The following ASPRV1 variants were observed in gnomAD, a reference collection of about 807,000 sequenced individuals.
ASPRV1 encodes the protein retroviral-like aspartic protease 1.
ASPRV1 carries 7 observed loss-of-function variants against 11.0 expected under a neutral mutation model. The ratio of observed to expected loss-of-function variants is 0.64; its 90% CI spans 0.36 to 1.20. The LOEUF is 1.20. Ranked by LOEUF, ASPRV1 falls within the 50% of genes most tolerant of loss-of-function variation. ASPRV1 has a pLI of 0.02. For missense variants in ASPRV1, 299 were observed against 320.0 expected (o/e 0.93, Z 0.50); for synonymous variants, 136 against 138.4 (o/e 0.98, Z 0.12).
chr2:70,037,988 G>A, the ASPRV1 span, among the ~76,000 whole-genome samples: 1 of 151,942 alleles, frequency 6.6e-6, no homozygotes, highest in Non-Finnish European at 1.5e-5. Flanking sequence ...CTAATCTATT[G>A]TGAGCTCTCC....
the ASPRV1 span, among the ~76,000 whole-genome samples, chr2:70,076,242 CCTA>C: frequency 6.6e-6 from 1 of 152,210 alleles, no homozygotes; most frequent in Non-Finnish European, 1.5e-5. Flanking sequence ...TTCCTCTCAA[CCTA>C]CTAAGGTGAT....
the ASPRV1 span, among the ~76,000 whole-genome samples, chr2:70,082,324 T>C: frequency 1.3e-5 from 2 of 152,026 alleles, no homozygotes; most frequent in African/African-American, 4.8e-5. Context: ...ATCCCAGGAC[T>C]TTGGGAGGCT....
chr2:69,987,444 A>G, the ASPRV1 span, among the ~76,000 whole-genome samples: 7 of 151,710 alleles, frequency 4.6e-5, no homozygotes, highest in African/African-American at 1.7e-4. Context: ...GGACTTTTAC[A>G]TTCACGTTAA....
At chr2:70,030,003 CT>C in the ASPRV1 span, 20 of 152,264 alleles carry the variant, frequency 1.3e-4, no homozygotes, top group African/African-American at 4.8e-4. Flanking sequence ...AAACTCCAGT[CT>C]TTTCTATTTT....
chr2:70,046,326 C>G, the ASPRV1 span: 13 of 152,146 alleles, frequency 8.5e-5, no homozygotes, highest in Non-Finnish European at 1.3e-4. Flanking sequence ...TAGCATCACG[C>G]CTTTCTTTAA....
At position 69,960,575 on chromosome 2, in the gene ASPRV1, G is replaced by T; in HGVS notation, c.*82C>A. On this transcript the variant is annotated 3_prime_UTR_variant, in exon 1 of 1. Transcript: ENST00000320256. ...GATAAGCAGACTGGCCAAGCCCAGT[G>T]ACCCCCATGAGGATATGCAACCCCC... The T allele has an allele frequency of 7.1e-7, 1 of 1,411,562 alleles. No homozygotes were observed. The highest frequency in any genetic ancestry group is 9.6e-7 in the Non-Finnish European group (1 of 1,041,752). The allele number at this position is 1,411,562 out of a possible 1,614,324, so 87.4% of individuals were successfully genotyped here. A position where few individuals can be genotyped will look rare whatever the true frequency, so the allele number is the denominator to read the frequency against.
the ASPRV1 span, among the ~76,000 whole-genome samples, chr2:70,004,528 CAAAAAAAAAAAAA>C: frequency 1.5e-4 from 8 of 54,640 alleles, no homozygotes; most frequent in African/African-American, 4.3e-4. Flanking sequence ...AACTCCATCT[CAAAAAAAAAAAAA>C]AAAAAAAAAA....
At chr2:70,044,250 T>C in the ASPRV1 span, among the ~76,000 whole-genome samples, 12 of 152,180 alleles carry the variant, frequency 7.9e-5, no homozygotes, top group South Asian at 2.1e-3. Context: ...TCCCAAGCAA[T>C]AGCAAACAGC....
chr2:70,009,523 G>A, the ASPRV1 span, among the ~76,000 whole-genome samples: 5 of 152,058 alleles, frequency 3.3e-5, no homozygotes, highest in African/African-American at 4.8e-5. Context: ...TGGAGGCAGG[G>A]TTTACCATGT....
At chr2:70,002,093 T>C in the ASPRV1 span, among the ~76,000 whole-genome samples, 8 of 152,118 alleles carry the variant, frequency 5.3e-5, no homozygotes, top group Non-Finnish European at 1.0e-4. Flanking sequence ...TGATTTTTAA[T>C]TTTCTTTTTC....
At chr2:69,942,854 C>T in the ASPRV1 span, 2 of 152,034 alleles carry the variant, frequency 1.3e-5, no homozygotes, top group Non-Finnish European at 2.9e-5. Context: ...TTTTTAGAAA[C>T]TACTACATGT....
the ASPRV1 span, among the ~76,000 whole-genome samples, chr2:69,953,253 GA>G: frequency 1.2e-4 from 19 of 152,364 alleles, no homozygotes; most frequent in East Asian, 3.7e-3. Flanking sequence ...GTCTCAGGAA[GA>G]GTAAGGGAAT....
the ASPRV1 span, among the ~76,000 whole-genome samples, chr2:70,044,509 G>C: frequency 1.3e-5 from 2 of 152,342 alleles, no homozygotes; most frequent in African/African-American, 4.8e-5. Flanking sequence ...GCCCAGGCTA[G>C]AGTGCAATGA....
At chr2:70,056,796 T>TCGGCTC in the ASPRV1 span, among the ~76,000 whole-genome samples, 1 of 151,460 alleles carries the variant, frequency 6.6e-6, no homozygotes, top group African/African-American at 2.4e-5. Context: ...TGGCACAATC[T>TCGGCTC]CGGCTCCCTG....
chr2:69,950,013 A>G, the ASPRV1 span, among the ~76,000 whole-genome samples: 42,986 of 151,938 alleles, frequency 0.28, 9,683 homozygotes, highest in African/African-American at 0.58. Flanking sequence ...ATGGGGTTTC[A>G]CTATATTGGC....
At chr2:69,962,942 T>C (rs540981113), upstream of ASPRV1, 1 of 227,686 alleles carries the variant, frequency 4.4e-6, no homozygotes, top group Non-Finnish European at 9.2e-6. Context: ...CAAACAGGAG[T>C]GATTAAGGAT....
At chr2:70,058,578 G>A in the ASPRV1 span, among the ~76,000 whole-genome samples, 1 of 145,500 alleles carries the variant, frequency 6.9e-6, no homozygotes, top group African/African-American at 2.6e-5. Flanking sequence ...TTGAGACAAA[G>A]TCTCGCTCTT....
the ASPRV1 span, chr2:70,085,497 T>C: frequency 2.0e-5 from 3 of 152,248 alleles, no homozygotes; most frequent in Non-Finnish European, 4.4e-5. Flanking sequence ...TTAAATAGTA[T>C]TTAAATTCCA....
chr2:69,935,752 G>A, the ASPRV1 span, among the ~76,000 whole-genome samples: 106 of 152,174 alleles, frequency 7.0e-4, no homozygotes, highest in Non-Finnish European at 1.3e-3. Flanking sequence ...CATCTCCAAG[G>A]CCTAAATATT....
Sources: allele counts gnomAD v4.1 joint callset (sites outside exome capture counted in the v4.1 genomes callset), GRCh38; gene constraint gnomAD v4.1.1; transcripts MANE v1.5; gene names NCBI Gene and HGNC (gene_info 2026-07-23, HGNC 2026-07-21).